The following CSMD1 variants were observed in gnomAD, a reference collection of about 807,000 sequenced individuals.
CSMD1 encodes CUB and Sushi multiple domains 1, also known as CUB and sushi domain-containing protein 1.
CSMD1 carries 213 observed loss-of-function variants against 417.5 expected under a neutral mutation model. The observed-to-expected ratio is 0.51, with a 90% CI of 0.46 to 0.57. CSMD1 has a LOEUF of 0.57. CSMD1 is among the 20% of genes least tolerant of loss of function. The pLI is 0.00. For synonymous variants in CSMD1, 2,862 were observed against 1,736.8 expected, an observed-to-expected ratio of 1.65 and a Z score of -16.11; for missense variants, 6,923 against 4,529.7, an observed-to-expected ratio of 1.53 and a Z score of -15.17.
At chr8:4,947,985 C>A (rs1414933040) in intron 1 of CSMD1, among the ~76,000 whole-genome samples, 4 of 151,936 alleles carry the variant, frequency 2.6e-5, no homozygotes, top group African/African-American at 9.7e-5. Context: ...ATAAAAAAAT[C>A]TGCTGTATGA....
intron 2 of CSMD1, among the ~76,000 whole-genome samples, chr8:4,608,710 C>T (rs550715115): frequency 4.7e-4 from 72 of 152,292 alleles, no homozygotes; most frequent in African/African-American, 1.6e-3. Flanking sequence ...ATCCTTCAGG[C>T]ATTTCAGAAG....
chr8:3,752,096 C>T (rs1357156581), intron 6 of CSMD1, among the ~76,000 whole-genome samples: 2 of 152,134 alleles, frequency 1.3e-5, no homozygotes, highest in Non-Finnish European at 2.9e-5. Context: ...GTGCACCCAC[C>T]TCCCACCGCC....
At chr8:4,603,822 A>G (rs1800723648) in intron 2 of CSMD1, among the ~76,000 whole-genome samples, 2 of 152,176 alleles carry the variant, frequency 1.3e-5, no homozygotes, top group Non-Finnish European at 2.9e-5. Context: ...AGCAGCACAC[A>G]TTTTAAATAT....
chr8:4,953,867 C>T (rs1397059105), intron 1 of CSMD1, among the ~76,000 whole-genome samples: 1 of 152,102 alleles, frequency 6.6e-6, no homozygotes, highest in Non-Finnish European at 1.5e-5. Flanking sequence ...GGTTGCAGGA[C>T]TCAACCCTGG....
chr8:4,416,435 A>G (rs752082873), intron 3 of CSMD1, among the ~76,000 whole-genome samples: 6 of 152,264 alleles, frequency 3.9e-5, no homozygotes, highest in Non-Finnish European at 7.4e-5. Flanking sequence ...AATATTTTAG[A>G]AAACATTTGA....
chr8:4,117,231 G>A (rs1353859517), intron 3 of CSMD1, among the ~76,000 whole-genome samples: 2 of 130,400 alleles, frequency 1.5e-5, no homozygotes, highest in South Asian at 2.6e-4. Context: ...TCTCATGGTC[G>A]TTTCTGTCTG....
intron 27 of CSMD1, among the ~76,000 whole-genome samples, 173 bp downstream of exon 27, chr8:3,229,867 T>G (rs879597339): frequency 1.4e-4 from 21 of 152,154 alleles, no homozygotes; most frequent in Admixed American, 6.5e-4. Context: ...TTCTACCTCA[T>G]AAAATAAAGT....
chr8:4,441,773 A>C (rs375028585), intron 2 of CSMD1, among the ~76,000 whole-genome samples: 2 of 152,174 alleles, frequency 1.3e-5, no homozygotes, highest in African/African-American at 4.8e-5. Flanking sequence ...TTGACTGACT[A>C]ATCTTGGGTG....
intron 3 of CSMD1, among the ~76,000 whole-genome samples, chr8:4,111,158 A>G (rs1470822570): frequency 6.6e-6 from 1 of 152,150 alleles, no homozygotes; most frequent in Non-Finnish European, 1.5e-5. Flanking sequence ...ATGATTTCGG[A>G]CAGAAAAGTT....
chr8:4,211,788 T>G (rs921136307), intron 3 of CSMD1, among the ~76,000 whole-genome samples: 1 of 152,180 alleles, frequency 6.6e-6, no homozygotes, highest in African/African-American at 2.4e-5. Flanking sequence ...TTCAAACTGT[T>G]TTTACATACT....
At chr8:4,184,967 A>T (rs1798579538) in intron 3 of CSMD1, among the ~76,000 whole-genome samples, 2 of 151,920 alleles carry the variant, frequency 1.3e-5, no homozygotes, top group South Asian at 4.2e-4. Context: ...GTGAAACCCC[A>T]TCTCTATTAA....
chr8:4,893,257 C>T (rs1311458094), intron 1 of CSMD1, among the ~76,000 whole-genome samples: 2 of 151,910 alleles, frequency 1.3e-5, no homozygotes, highest in Non-Finnish European at 2.9e-5. Context: ...AATATTTTTC[C>T]AATGTTTCTA....
intron 1 of CSMD1, among the ~76,000 whole-genome samples, chr8:4,791,118 C>CG (rs1249422484): frequency 1.3e-5 from 2 of 151,758 alleles, no homozygotes; most frequent in African/African-American, 4.8e-5. Flanking sequence ...GGAGAAGAGA[C>CG]GGGGAGGGAG....
At position 3,609,477 on chromosome 8, in the gene CSMD1, C is replaced by T. The variant is rs533752490; in HGVS notation, c.1097+7233G>A. ...TTTGTATTTTATGCTTTATTTTCTT[C>T]GGGTATTTTATACATAATGATAGAA... On this transcript the variant is annotated intron_variant, in intron 8 of 69. Transcript: ENST00000635120. Among the ~76,000 whole-genome samples, 20 of 152,162 alleles carry T rather than the reference C, an allele frequency of 1.3e-4. 1 individual carries two copies. The highest frequency in any genetic ancestry group is 3.4e-3 in the Middle Eastern group (1 of 294).
At chr8:4,024,295 G>A (rs370792697) in intron 4 of CSMD1, among the ~76,000 whole-genome samples, 5 of 152,272 alleles carry the variant, frequency 3.3e-5, no homozygotes, top group East Asian at 3.9e-4. Context: ...GAAGAATAAT[G>A]TAAACAAATT....
rs532383517 is a variant in CSMD1 at position 4,866,522 on chromosome 8, A to G, written c.85+127810T>C. Among the ~76,000 whole-genome samples the G allele has an allele frequency of 5.3e-5, 8 of 151,982 alleles. No homozygotes were observed. The South Asian group carries it at 1.0e-3, about 20-fold the overall frequency. ...GCTAGGTACTTTTAATCCCCACAACATAAGTGTTATTGGCTTTTTTAACAA... is the reference window on the plus strand; with the variant it reads ...GCTAGGTACTTTTAATCCCCACAACGTAAGTGTTATTGGCTTTTTTAACAA... On this transcript the variant is annotated intron_variant, in intron 1 of 69. Transcript: ENST00000635120.
At chr8:3,458,272 G>A (rs1034052666) in intron 12 of CSMD1, among the ~76,000 whole-genome samples, 2 of 152,142 alleles carry the variant, frequency 1.3e-5, no homozygotes, top group South Asian at 2.1e-4. Context: ...AATGTTCTCC[G>A]GCACCACCTG....
chr8:4,187,896 T>G (rs200254958), intron 3 of CSMD1, among the ~76,000 whole-genome samples: 2 of 152,120 alleles, frequency 1.3e-5, no homozygotes, highest in East Asian at 1.9e-4. Flanking sequence ...AGCACTGGCA[T>G]GATATCATGC....
At chr8:4,424,620 C>T (rs1797440337) in intron 2 of CSMD1, among the ~76,000 whole-genome samples, 2 of 151,962 alleles carry the variant, frequency 1.3e-5, no homozygotes, top group Admixed American at 1.3e-4. Flanking sequence ...AATGGTACAG[C>T]CATTTTCTGT....
Sources: gnomAD v4.1 joint callset for allele counts (sites outside exome capture counted in the v4.1 genomes callset) on GRCh38, gnomAD v4.1.1 for gene constraint, MANE v1.5 for transcripts, NCBI Gene and HGNC (gene_info 2026-07-23, HGNC 2026-07-21) for gene names.